Variants in MRPL1 observed in about 807,000 individuals in gnomAD.
MRPL1 encodes mitochondrial ribosomal protein L1, also known as large ribosomal subunit protein uL1m.
Under a neutral mutation model 38.0 loss-of-function variants are expected in MRPL1, and 28 were observed. The observed-to-expected ratio is 0.74, with a 90% CI of 0.55 to 1.01. MRPL1 has a LOEUF of 1.01. Among genes scored for constraint, MRPL1 ranks in the 50% least tolerant of loss-of-function variants. The probability of loss-of-function intolerance (pLI) is 0.00; values close to 1 mark genes in which losing one functional copy is unlikely to be tolerated. For synonymous variants in MRPL1, 123 were observed against 126.7 expected (o/e 0.97, Z 0.20); for missense variants, 358 against 389.8 (o/e 0.92, Z 0.69).
intron 2 of MRPL1, among the ~76,000 whole-genome samples, chr4:77,876,080 C>A (rs1246529385): frequency 2.0e-5 from 3 of 152,180 alleles, no homozygotes; most frequent in African/African-American, 7.2e-5. Context: ...TCAGGCGATT[C>A]TCTTGCCTCA....
intron 5 of MRPL1, 106 bp from the exon 6 acceptor site, chr4:77,894,033 T>G: frequency 1.4e-6 from 1 of 691,874 alleles, no homozygotes. Flanking sequence ...GAATTGTGCT[T>G]AATGTCTGTT....
At chr4:77,949,494 A>G (rs1438251648) in intron 7 of MRPL1, among the ~76,000 whole-genome samples, 2 of 152,172 alleles carry the variant, frequency 1.3e-5, no homozygotes, top group Admixed American at 6.5e-5. Context: ...GGGTGCGTGT[A>G]GGGAATGATG....
intron 7 of MRPL1, among the ~76,000 whole-genome samples, chr4:77,910,525 C>T (rs983929579): frequency 1.3e-5 from 2 of 152,126 alleles, no homozygotes; most frequent in Non-Finnish European, 2.9e-5. Flanking sequence ...TGTAGTCTAG[C>T]TACTTGGGAG....
intron 1 of MRPL1, among the ~76,000 whole-genome samples, chr4:77,867,118 C>G (rs1008384109): frequency 1.3e-5 from 2 of 152,122 alleles, no homozygotes; most frequent in African/African-American, 4.8e-5. Context: ...TCCACTGATA[C>G]AATCCCTTTT....
chr4:77,949,910 T>A, intron 8 of MRPL1, 32 bp downstream of exon 8: 1 of 1,360,318 alleles, frequency 7.4e-7, no homozygotes, highest in Non-Finnish European at 1.0e-6. Context: ...GACTTCCCTA[T>A]GACCCTGTGA....
chr4:77,949,840 T>G lies in MRPL1; in HGVS notation c.821T>G (p.Val274Gly), dbSNP rs747223197. 6.2e-7 allele frequency: 1 copy of G among 1,611,714 alleles called. No individual in the cohort carries two copies. The highest frequency in any genetic ancestry group is 1.7e-5 in the Admixed American group (1 of 59,612). Residue 274 changes from valine (V) to glycine (G), a missense_variant, in exon 8 of 9, where the codon GTT (valine) becomes GGT (glycine). By Grantham distance (109) the Val-to-Gly change is moderately radical. Transcript: ENST00000315567. Reference sequence around the variant, plus strand: ...CAGATAGCTGCCAATCTGCAAGCAGTTATTAATGAAGTTTGTAGGCACAGA... The same window carrying G: ...CAGATAGCTGCCAATCTGCAAGCAGGTATTAATGAAGTTTGTAGGCACAGA... Reference protein sequence around the residue: ...SDQIAANLQAVINEVCRHRPL... With the variant: ...SDQIAANLQAGINEVCRHRPL...
At chr4:77,951,213 T>C (rs1737401280) in intron 8 of MRPL1, among the ~76,000 whole-genome samples, 1 of 152,238 alleles carries the variant, frequency 6.6e-6, no homozygotes, top group South Asian at 2.1e-4. Context: ...GTTGTTCTTA[T>C]GAAAAGCATT....
At chr4:77,909,189 G>GAT in intron 6 of MRPL1, 77 bp from the exon 7 acceptor site, 2 of 869,864 alleles carry the variant, frequency 2.3e-6, no homozygotes, top group Non-Finnish European at 3.8e-6. Context: ...CTTTACATGA[G>GAT]ATATGTGTTT....
chr4:77,871,612 A>G (rs1157012189), intron 1 of MRPL1, 132 bp from the exon 2 acceptor site: 2 of 537,082 alleles, frequency 3.7e-6, no homozygotes, highest in Non-Finnish European at 6.5e-6. Context: ...CTATTATTAC[A>G]CTTTTAAAAG....
chr4:77,905,636 G>C (rs1057183604), intron 6 of MRPL1, among the ~76,000 whole-genome samples: 2 of 151,754 alleles, frequency 1.3e-5, no homozygotes, highest in Non-Finnish European at 2.9e-5. Flanking sequence ...AGGAAGTTTT[G>C]TTTGTGTTTT....
rs1200844403 is a variant in MRPL1 at position 77,862,844 on chromosome 4, C to G, written c.-5C>G. On this transcript the variant is annotated 5_prime_UTR_variant, in exon 1 of 9. Coordinates refer to ENST00000315567, the MANE Select transcript of MRPL1 (RefSeq NM_020236.4). ...ATTTCGTGAACGCAATCCGGAGTGC[C>G]CAACATGGCGGCGGCCGTAAGGTGC... The G allele has an allele frequency of 5.0e-6, 8 of 1,614,066 alleles. No individual in the cohort carries two copies. The Middle Eastern group carries it at 5.0e-4, about 100-fold the overall frequency.
rs72871124 is a variant in MRPL1 at position 77,947,592 on chromosome 4, G to A, written c.778-2205G>A. 5.8e-4 allele frequency among the ~76,000 whole-genome samples: 89 copies of A among 152,332 alleles called. 1 individual carries two copies. Among genetic ancestry groups the A allele is most frequent in the African/African-American group, 2.0e-3 (85 of 41,586 alleles). On this transcript the variant is annotated intron_variant, in intron 7 of 8. Transcript: ENST00000315567. The stretch of plus-strand genomic sequence containing the variant: ...ATTACATGGGAAAGCACTATTGGAA[G>A]TGCAGACTAACTGAGAAGTAGGCAG...
rs72868282 is a variant in MRPL1, at chr4:77,864,871, G to A, written c.31+1992G>A. ...CTTCCTGGCTGTTGGAGAAATGGATGGCCAATTATTGTGTATATCTTTTTT... is the reference window on the plus strand; with the variant it reads ...CTTCCTGGCTGTTGGAGAAATGGATAGCCAATTATTGTGTATATCTTTTTT... On this transcript the variant is annotated intron_variant, in intron 1 of 8. Coordinates refer to ENST00000315567, the MANE Select transcript of MRPL1 (RefSeq NM_020236.4). 89 of 151,832 alleles carry A rather than the reference G, an allele frequency of 5.9e-4. 1 individual carries two copies. The highest frequency in any genetic ancestry group is 2.0e-3 in the African/African-American group (84 of 41,386). 9.4% of individuals were successfully genotyped at this position (151,832 alleles called of 1,614,324 possible).
At chr4:77,865,942 G>A (rs1735132139) in intron 1 of MRPL1, among the ~76,000 whole-genome samples, 2 of 152,052 alleles carry the variant, frequency 1.3e-5, no homozygotes, top group African/African-American at 4.8e-5. Flanking sequence ...GCCTACAGTT[G>A]TGCTATTCAT....
chr4:77,940,725 C>T (rs1737104857), intron 7 of MRPL1, among the ~76,000 whole-genome samples: 1 of 152,116 alleles, frequency 6.6e-6, no homozygotes, highest in Admixed American at 6.5e-5. Flanking sequence ...CCCATCTATG[C>T]TGATTTTGCT....
intron 1 of MRPL1, 93 bp from the exon 2 acceptor site, chr4:77,871,651 G>A (rs1424318582): frequency 3.3e-6 from 2 of 604,094 alleles, no homozygotes; most frequent in African/African-American, 3.9e-5. Context: ...AATATTGAAT[G>A]TTTTCATTTT....
chr4:77,937,094 C>T (rs1324436294), intron 7 of MRPL1, among the ~76,000 whole-genome samples: 1 of 151,864 alleles, frequency 6.6e-6, no homozygotes, highest in Non-Finnish European at 1.5e-5. Flanking sequence ...CATTGCACTC[C>T]AGTCTGGGTG....
intron 2 of MRPL1, among the ~76,000 whole-genome samples, chr4:77,881,975 C>T (rs536449761): frequency 2.6e-5 from 4 of 152,254 alleles, no homozygotes; most frequent in Admixed American, 2.0e-4. Context: ...AGGATGCCCC[C>T]CTATGCTCTG....
At chr4:77,912,125 G>A (rs1176966570) in intron 7 of MRPL1, among the ~76,000 whole-genome samples, 1 of 152,134 alleles carries the variant, frequency 6.6e-6, no homozygotes, top group African/African-American at 2.4e-5. Flanking sequence ...AAAAGTCAAA[G>A]CTGACATCAT....
Sources: gnomAD v4.1 joint callset for allele counts (sites outside exome capture counted in the v4.1 genomes callset) on GRCh38, gnomAD v4.1.1 for gene constraint, MANE v1.5 for transcripts, NCBI Gene and HGNC (gene_info 2026-07-23, HGNC 2026-07-21) for gene names.